TBC1D19: variants seen among roughly 807,000 people sequenced by gnomAD.
TBC1D19 encodes the protein TBC1 domain family member 19.
In TBC1D19, 60 loss-of-function variants were observed where a neutral mutation model predicts 89.0. The observed-to-expected ratio is 0.67, with a 90% CI of 0.55 to 0.84. The LOEUF is 0.84. Ranked by LOEUF, TBC1D19 falls within the 40% of genes least tolerant of loss-of-function variation. TBC1D19 has a pLI of 0.00. For synonymous variants in TBC1D19, 189 were observed against 199.7 expected (o/e 0.95, Z 0.45); for missense variants, 500 against 610.8 (o/e 0.82, Z 1.91).
At chr4:26,761,768 CT>C in the TBC1D19 span, among the ~76,000 whole-genome samples, 1 of 152,030 alleles carries the variant, frequency 6.6e-6, no homozygotes, top group Non-Finnish European at 1.5e-5. Context: ...GTACTTATTT[CT>C]TGAATAAGTT....
the TBC1D19 span, among the ~76,000 whole-genome samples, chr4:26,765,246 A>G: frequency 6.6e-6 from 1 of 152,122 alleles, no homozygotes; most frequent in East Asian, 1.9e-4. Flanking sequence ...AACACTCTAA[A>G]ATTGGCATTG....
intron 17 of TBC1D19, chr4:26,740,877 G>C: frequency 1.0e-6 from 1 of 985,312 alleles, no homozygotes; most frequent in African/African-American, 1.7e-5. Flanking sequence ...TCCATCTCCA[G>C]TTTTGCTTTC....
At chr4:26,706,709 C>T (rs10939134) in intron 13 of TBC1D19, among the ~76,000 whole-genome samples, 57,061 of 151,822 alleles carry the variant, frequency 0.38, 11,725 homozygotes, top group Non-Finnish European at 0.47. Flanking sequence ...CACTGAATCC[C>T]GTAAGTTTTG....
rs753860157 is a variant in TBC1D19 at position 26,613,163 on chromosome 4, T to C, written c.100-6T>C. 2.6e-6 allele frequency: 4 copies of C among 1,517,122 alleles called. No individual in the cohort carries two copies. Among genetic ancestry groups the C allele is most frequent in the Non-Finnish European group, 3.6e-6 (4 of 1,117,228 alleles). 94.0% of individuals were successfully genotyped at this position (1,517,122 alleles called of 1,614,324 possible). ...CTTTCTTTTTTATTATTATTATTATTCTTAGGCCAGTCTTCAGAGACCTGA... is the reference window on the plus strand; with the variant it reads ...CTTTCTTTTTTATTATTATTATTATCCTTAGGCCAGTCTTCAGAGACCTGA... On this transcript the variant is annotated splice_region_variant and splice_polypyrimidine_tract_variant and intron_variant, in intron 1 of 20. Coordinates refer to ENST00000264866, the MANE Select transcript of TBC1D19 (RefSeq NM_018317.4).
chr4:26,669,795 T>C (rs1052288276), intron 9 of TBC1D19, among the ~76,000 whole-genome samples: 4 of 151,788 alleles, frequency 2.6e-5, no homozygotes, highest in African/African-American at 9.7e-5. Flanking sequence ...TATAAAACAT[T>C]TCTTGGCATA....
intron 4 of TBC1D19, 62 bp downstream of exon 4, chr4:26,620,750 GA>G (rs1233370283): frequency 7.1e-7 from 1 of 1,412,788 alleles, no homozygotes; most frequent in East Asian, 2.3e-5. Context: ...CAGAGCAAAA[GA>G]TCATTACTGA....
chr4:26,734,934 G>GTGTATATATGTATACACATATGTATA (rs72014208), intron 15 of TBC1D19, among the ~76,000 whole-genome samples: 40,496 of 117,946 alleles, frequency 0.34, 9,025 homozygotes, highest in Admixed American at 0.46. Context: ...ACATATATGT[G>GTGTATATATGTATACACATATGTATA]TGTATATATG....
chr4:26,620,528 C>G, intron 3 of TBC1D19, 85 bp from the exon 4 acceptor site: 1 of 1,078,022 alleles, frequency 9.3e-7, no homozygotes, highest in Non-Finnish European at 1.4e-6. Flanking sequence ...ACTGGGAAAA[C>G]AGTTTATAAC....
chr4:26,706,071 C>A (rs970069178), intron 13 of TBC1D19, among the ~76,000 whole-genome samples: 9 of 152,042 alleles, frequency 5.9e-5, no homozygotes, highest in African/African-American at 1.9e-4. Context: ...CATCACCATG[C>A]CCAGATCAAT....
chr4:26,679,016 A>G (rs1336183424), intron 11 of TBC1D19, among the ~76,000 whole-genome samples: 1 of 152,194 alleles, frequency 6.6e-6, no homozygotes, highest in Non-Finnish European at 1.5e-5. Context: ...ACAGAGCATA[A>G]AAGTTTGGAA....
At chr4:26,649,526 C>T (rs1475174703) in intron 7 of TBC1D19, among the ~76,000 whole-genome samples, 2 of 152,144 alleles carry the variant, frequency 1.3e-5, no homozygotes, top group Non-Finnish European at 1.5e-5. Context: ...TCATTCTCTT[C>T]CCCATGCAGC....
At chr4:26,743,921 T>G (rs1213434701) in intron 18 of TBC1D19, among the ~76,000 whole-genome samples, 3 of 151,646 alleles carry the variant, frequency 2.0e-5, no homozygotes, top group African/African-American at 7.2e-5. Flanking sequence ...ACTTTACTCA[T>G]TAAAAGAAAT....
chr4:26,797,309 A>G, the TBC1D19 span, among the ~76,000 whole-genome samples: 4 of 152,208 alleles, frequency 2.6e-5, no homozygotes, highest in African/African-American at 9.6e-5. Flanking sequence ...TGGCCACAAA[A>G]GAATAAAATA....
At chr4:26,603,503 A>T (rs1406633235) in intron 1 of TBC1D19, among the ~76,000 whole-genome samples, 3 of 152,162 alleles carry the variant, frequency 2.0e-5, no homozygotes, top group African/African-American at 7.2e-5. Context: ...GAATATCCCC[A>T]TTTATCTGAA....
At chr4:26,852,676 G>T in the TBC1D19 span, among the ~76,000 whole-genome samples, 1 of 151,878 alleles carries the variant, frequency 6.6e-6, no homozygotes, top group South Asian at 2.1e-4. Context: ...CTGGAGTGCA[G>T]TGGTGCGATC....
At chr4:26,851,939 G>A in the TBC1D19 span, among the ~76,000 whole-genome samples, 3 of 152,216 alleles carry the variant, frequency 2.0e-5, no homozygotes, top group South Asian at 6.2e-4. Flanking sequence ...TATGTCTGGG[G>A]AAAATGTAAA....
intron 10 of TBC1D19, among the ~76,000 whole-genome samples, chr4:26,673,446 T>TATATATATATATATATATATATACAC (rs373807642): frequency 6.6e-5 from 6 of 90,868 alleles, no homozygotes; most frequent in African/African-American, 2.6e-4. Context: ...TATATATATA[T>TATATATATATATATATATATATACAC]ACACACACAC....
At chr4:26,785,538 C>T in the TBC1D19 span, among the ~76,000 whole-genome samples, 3 of 152,184 alleles carry the variant, frequency 2.0e-5, no homozygotes. Flanking sequence ...AAGAAGTTCT[C>T]TGTCTAGTGG....
At chr4:26,848,105 G>A in the TBC1D19 span, among the ~76,000 whole-genome samples, 1 of 152,168 alleles carries the variant, frequency 6.6e-6, no homozygotes, top group Admixed American at 6.5e-5. Flanking sequence ...GCCACAAGGT[G>A]CCCAGATATT....
Sources: allele counts gnomAD v4.1 joint callset (sites outside exome capture counted in the v4.1 genomes callset), GRCh38; gene constraint gnomAD v4.1.1; transcripts MANE v1.5; gene names NCBI Gene and HGNC (gene_info 2026-07-23, HGNC 2026-07-21).